NXPE4: variants seen among roughly 807,000 people sequenced by gnomAD.
NXPE4 encodes the protein neurexophilin and PC-esterase domain family member 4.
NXPE4 carries 42 observed loss-of-function variants against 33.3 expected under a neutral mutation model. That is an observed-to-expected ratio of 1.26 (90% CI 0.98 to 1.63). NXPE4 has a LOEUF of 1.63. Among genes scored for constraint, NXPE4 ranks in the 40% most tolerant of loss-of-function variants. The probability of loss-of-function intolerance (pLI) is 0.00; values close to 1 mark genes in which losing one functional copy is unlikely to be tolerated. For synonymous variants in NXPE4, 253 were observed against 234.9 expected, an observed-to-expected ratio of 1.08 and a Z score of -0.71; for missense variants, 709 against 647.6, an observed-to-expected ratio of 1.09 and a Z score of -1.03.
the NXPE4 span, among the ~76,000 whole-genome samples, chr11:114,649,679 C>T: frequency 4.6e-5 from 7 of 152,226 alleles, no homozygotes; most frequent in Non-Finnish European, 8.8e-5. Flanking sequence ...AGACTGGAGG[C>T]GGGGGTAACA....
chr11:114,609,798 GATA>G, the NXPE4 span, among the ~76,000 whole-genome samples: 4 of 151,610 alleles, frequency 2.6e-5, no homozygotes, highest in Non-Finnish European at 5.9e-5. Context: ...TTACCTGATG[GATA>G]ATAAGCATTG....
chr11:114,647,483 T>C, the NXPE4 span, among the ~76,000 whole-genome samples: 2 of 152,156 alleles, frequency 1.3e-5, no homozygotes, highest in Non-Finnish European at 2.9e-5. Context: ...CATGTTTTAT[T>C]TCCTTAATGC....
the NXPE4 span, among the ~76,000 whole-genome samples, chr11:114,633,619 C>G: frequency 6.6e-6 from 1 of 151,240 alleles, no homozygotes; most frequent in East Asian, 1.9e-4. Context: ...CCACCCTGCC[C>G]CCAGCCCACA....
the NXPE4 span, among the ~76,000 whole-genome samples, chr11:114,610,956 G>GGA: frequency 7.1e-6 from 1 of 140,550 alleles, no homozygotes; most frequent in African/African-American, 2.6e-5. Context: ...TGCCTGGTTT[G>GGA]TAATAAGTGT....
upstream of NXPE4, among the ~76,000 whole-genome samples, chr11:114,600,549 A>C (rs994838815): frequency 6.6e-5 from 10 of 152,126 alleles, no homozygotes; most frequent in Non-Finnish European, 1.2e-4. Context: ...AAATTGAGTG[A>C]CGTTCTACAA....
At chr11:114,657,249 TTC>T in the NXPE4 span, among the ~76,000 whole-genome samples, 5 of 152,200 alleles carry the variant, frequency 3.3e-5, no homozygotes, top group Admixed American at 2.6e-4. Flanking sequence ...CAGTTGATGG[TTC>T]TCTGTTTTTA....
At chr11:114,598,446 CT>C (rs371338178), upstream of NXPE4, among the ~76,000 whole-genome samples, 31 of 152,360 alleles carry the variant, frequency 2.0e-4, no homozygotes, top group East Asian at 5.6e-3. Flanking sequence ...CACATTGTCC[CT>C]CCACACTGCC....
chr11:114,662,938 G>T, the NXPE4 span, among the ~76,000 whole-genome samples: 1 of 152,128 alleles, frequency 6.6e-6, no homozygotes, highest in African/African-American at 2.4e-5. Flanking sequence ...AGCCTATGAG[G>T]CTTGCTCTCT....
At chr11:114,626,055 C>A in the NXPE4 span, among the ~76,000 whole-genome samples, 1 of 152,180 alleles carries the variant, frequency 6.6e-6, no homozygotes, top group African/African-American at 2.4e-5. Flanking sequence ...ATTGCTAGCA[C>A]AGCAGTCTGA....
chr11:114,598,084 T>TA (rs1259701874), upstream of NXPE4, among the ~76,000 whole-genome samples: 1 of 152,086 alleles, frequency 6.6e-6, no homozygotes, highest in Non-Finnish European at 1.5e-5. Context: ...TGGGTAAATG[T>TA]AAAAAAATTC....
At chr11:114,639,651 A>G in the NXPE4 span, among the ~76,000 whole-genome samples, 1 of 143,980 alleles carries the variant, frequency 6.9e-6, no homozygotes, top group Non-Finnish European at 1.5e-5. Context: ...ATTTATTTAT[A>G]TATAATTTAC....
the NXPE4 span, among the ~76,000 whole-genome samples, chr11:114,633,560 C>T: frequency 1.3e-5 from 2 of 151,026 alleles, no homozygotes; most frequent in African/African-American, 4.9e-5. Flanking sequence ...TGTGCTGCAC[C>T]CATTGACTCG....
At chr11:114,623,450 T>A in the NXPE4 span, among the ~76,000 whole-genome samples, 3 of 152,118 alleles carry the variant, frequency 2.0e-5, no homozygotes, top group African/African-American at 7.2e-5. Context: ...GGGTAACCAC[T>A]GTTATCCGGT....
chr11:114,605,430 G>A, the NXPE4 span, among the ~76,000 whole-genome samples: 1,216 of 151,746 alleles, frequency 8.0e-3, 10 homozygotes, highest in Non-Finnish European at 0.012. Flanking sequence ...TGCCTCGTGC[G>A]TAACCACTGT....
chr11:114,572,779 A>G (rs1948919723), intron 5 of NXPE4, among the ~76,000 whole-genome samples: 1 of 152,212 alleles, frequency 6.6e-6, no homozygotes, highest in African/African-American at 2.4e-5. Flanking sequence ...AAAAGTCTGG[A>G]AAACATATTT....
At chr11:114,577,074 G>A (rs1296837650) in intron 5 of NXPE4, among the ~76,000 whole-genome samples, 3 of 102,888 alleles carry the variant, frequency 2.9e-5, no homozygotes, top group African/African-American at 4.3e-5. Context: ...TATATATAAA[G>A]TTATATATAT....
chr11:114,572,311 C>T (rs1332384167), intron 5 of NXPE4, among the ~76,000 whole-genome samples: 1 of 152,128 alleles, frequency 6.6e-6, no homozygotes, highest in South Asian at 2.1e-4. Flanking sequence ...AAACAAGATT[C>T]TTTAACTCCT....
At chr11:114,635,089 C>A in the NXPE4 span, among the ~76,000 whole-genome samples, 1 of 151,684 alleles carries the variant, frequency 6.6e-6, no homozygotes. Context: ...ATTCTTCCTA[C>A]CCATGAGCAT....
At chr11:114,648,371 C>T in the NXPE4 span, among the ~76,000 whole-genome samples, 1 of 152,178 alleles carries the variant, frequency 6.6e-6, no homozygotes, top group African/African-American at 2.4e-5. Context: ...AAACCCATAT[C>T]TCAGTGTGAA....
Sources: allele counts gnomAD v4.1 joint callset (sites outside exome capture counted in the v4.1 genomes callset), GRCh38; gene constraint gnomAD v4.1.1; transcripts MANE v1.5; gene names NCBI Gene and HGNC (gene_info 2026-07-23, HGNC 2026-07-21).